GRIN2A: variants seen among roughly 807,000 people sequenced by gnomAD.
The protein encoded by GRIN2A is glutamate receptor ionotropic, NMDA 2A.
Under a neutral mutation model 113.4 loss-of-function variants are expected in GRIN2A, and 22 were observed. The ratio of observed to expected loss-of-function variants is 0.19; its 90% CI spans 0.14 to 0.28. The LOEUF (loss-of-function observed/expected upper bound fraction) is 0.28. Ranked by LOEUF, GRIN2A falls within the 10% of genes least tolerant of loss-of-function variation. The probability of loss-of-function intolerance (pLI) is 1.00; values close to 1 mark genes in which losing one functional copy is unlikely to be tolerated. For synonymous variants in GRIN2A, 827 were observed against 738.4 expected, an observed-to-expected ratio of 1.12 and a Z score of -1.94; for missense variants, 1,502 against 1,887.0, an observed-to-expected ratio of 0.80 and a Z score of 3.78.
intron 2 of GRIN2A, among the ~76,000 whole-genome samples, chr16:10,173,157 A>G (rs965269160): frequency 6.6e-6 from 1 of 152,192 alleles, no homozygotes; most frequent in Non-Finnish European, 1.5e-5. Context: ...CGCATCTGAC[A>G]TGCCTCATGG....
chr16:10,012,223 A>G (rs2046519575), intron 2 of GRIN2A, among the ~76,000 whole-genome samples: 1 of 152,242 alleles, frequency 6.6e-6, no homozygotes, highest in African/African-American at 2.4e-5. Context: ...CCTGTACAGA[A>G]CAGAGCACAG....
At chr16:10,039,207 G>C (rs920916328) in intron 2 of GRIN2A, among the ~76,000 whole-genome samples, 1 of 152,114 alleles carries the variant, frequency 6.6e-6, no homozygotes, top group Non-Finnish European at 1.5e-5. Flanking sequence ...GCAGAGGGGG[G>C]ACCCACTCTT....
At chr16:9,785,165 A>G (rs1902160860) in intron 11 of GRIN2A, among the ~76,000 whole-genome samples, 3 of 152,102 alleles carry the variant, frequency 2.0e-5, no homozygotes, top group Admixed American at 2.0e-4. Context: ...CACTATTCAC[A>G]ATAGCAAAGA....
chr16:9,843,011 GA>G (rs2042708901), intron 5 of GRIN2A, among the ~76,000 whole-genome samples: 1 of 147,748 alleles, frequency 6.8e-6, no homozygotes, highest in African/African-American at 2.5e-5. Flanking sequence ...AACAGAAAGA[GA>G]AAAAGGGGGG....
chr16:9,769,249 A>C (rs2141151840), intron 11 of GRIN2A, 160 bp from the exon 12 acceptor site: 1 of 647,850 alleles, frequency 1.5e-6, no homozygotes, highest in African/African-American at 1.8e-5. Flanking sequence ...TCTTGAGTGA[A>C]GATAATAATG....
chr16:10,132,276 G>A (rs1351518349), intron 2 of GRIN2A, among the ~76,000 whole-genome samples: 8 of 146,390 alleles, frequency 5.5e-5, no homozygotes, highest in East Asian at 4.3e-4. Flanking sequence ...AGGTTGCAGC[G>A]AGCTGAGATT....
chr16:9,991,778 T>C (rs1476723306), intron 2 of GRIN2A, among the ~76,000 whole-genome samples: 1 of 152,186 alleles, frequency 6.6e-6, no homozygotes, highest in East Asian at 1.9e-4. Context: ...GAAACCATCA[T>C]TCTCAGCAAA....
At chr16:10,065,412 T>G (rs1168805075) in intron 2 of GRIN2A, among the ~76,000 whole-genome samples, 1 of 152,230 alleles carries the variant, frequency 6.6e-6, no homozygotes, top group Non-Finnish European at 1.5e-5. Context: ...ACAATACATA[T>G]GCCACAGGAG....
rs184893672 is a variant in GRIN2A at position 9,846,157 on chromosome 16, A to G, written c.1328+3599T>C. Among the ~76,000 whole-genome samples the G allele has an allele frequency of 3.2e-4, 48 of 152,292 alleles. 1 individual carries two copies. The highest frequency in any genetic ancestry group is 3.1e-3 in the Admixed American group (48 of 15,302). ...AATTATGAATCATGATGAATTATGAATCATGAATCATGGGATGTACACTTG... is the reference window on the plus strand; with the variant it reads ...AATTATGAATCATGATGAATTATGAGTCATGAATCATGGGATGTACACTTG... On this transcript the variant is annotated intron_variant, in intron 5 of 12. Transcript: ENST00000330684.
intron 7 of GRIN2A, among the ~76,000 whole-genome samples, chr16:9,839,418 AAACGG>A (rs539705305): frequency 6.6e-6 from 1 of 150,410 alleles, no homozygotes; most frequent in Non-Finnish European, 1.5e-5. Flanking sequence ...TAAATTTACA[AAACGG>A]TTAAAAAAAT....
At chr16:9,949,541 TG>T in intron 2 of GRIN2A, among the ~76,000 whole-genome samples, 1 of 149,596 alleles carries the variant, frequency 6.7e-6, no homozygotes. Context: ...GATGGATGGA[TG>T]GTTGGGAGGA....
intron 3 of GRIN2A, among the ~76,000 whole-genome samples, chr16:9,915,937 A>C (rs1280333865): frequency 6.6e-6 from 1 of 152,202 alleles, no homozygotes; most frequent in East Asian, 1.9e-4. Context: ...ATTACTGTAG[A>C]TGTGATAATA....
At chr16:9,939,397 C>G (rs2044802773) in intron 2 of GRIN2A, among the ~76,000 whole-genome samples, 1 of 152,120 alleles carries the variant, frequency 6.6e-6, no homozygotes, top group South Asian at 2.1e-4. Context: ...GAAATCCAAG[C>G]ACATAGGGCC....
rs577039913 is a variant in GRIN2A, at chr16:9,765,616, G to T, written c.2596-668C>A. Among the ~76,000 whole-genome samples, 20 of 152,240 alleles carry T rather than the reference G, an allele frequency of 1.3e-4. 1 individual carries two copies. The East Asian group carries it at 3.9e-3, about 29-fold the overall frequency. ...AGTTGCAGACTTACCATCATGTGGG[G>T]GTGTGAGCCTATCAGTGAAGCCATT... On this transcript the variant is annotated intron_variant, in intron 12 of 12. Coordinates refer to ENST00000330684, the MANE Select transcript of GRIN2A (RefSeq NM_001134407.3).
intron 2 of GRIN2A, among the ~76,000 whole-genome samples, chr16:10,132,257 G>A (rs1451449003): frequency 1.3e-5 from 2 of 149,518 alleles, no homozygotes; most frequent in Admixed American, 6.8e-5. Context: ...GCTTGAACCC[G>A]GGAGGCAGAG....
intron 2 of GRIN2A, among the ~76,000 whole-genome samples, chr16:10,101,449 C>T (rs2048391907): frequency 6.6e-6 from 1 of 152,146 alleles, no homozygotes; most frequent in African/African-American, 2.4e-5. Flanking sequence ...CCTCCGAGCG[C>T]CGTGGAAGAG....
At chr16:10,049,441 G>A (rs777767899) in intron 2 of GRIN2A, among the ~76,000 whole-genome samples, 5 of 151,528 alleles carry the variant, frequency 3.3e-5, no homozygotes, top group East Asian at 3.9e-4. Context: ...GCAGTGGTGC[G>A]ATCTCGGCTC....
At chr16:9,765,637 C>A (rs766325246) in intron 12 of GRIN2A, among the ~76,000 whole-genome samples, 4 of 151,946 alleles carry the variant, frequency 2.6e-5, no homozygotes, top group Non-Finnish European at 5.9e-5. Flanking sequence ...ATCAGTGAAG[C>A]CATTGCAGTG....
chr16:10,172,252 A>C (rs2050056487), intron 2 of GRIN2A, among the ~76,000 whole-genome samples: 1 of 152,212 alleles, frequency 6.6e-6, no homozygotes, highest in African/African-American at 2.4e-5. Context: ...TCTTTGTCCA[A>C]GGTTTTCTTG....
Sources: gnomAD v4.1 joint callset for allele counts (sites outside exome capture counted in the v4.1 genomes callset) on GRCh38, gnomAD v4.1.1 for gene constraint, MANE v1.5 for transcripts, NCBI Gene and HGNC (gene_info 2026-07-23, HGNC 2026-07-21) for gene names.